Variants in SIRPG observed in about 807,000 individuals in gnomAD.
SIRPG encodes the protein signal regulatory protein gamma.
In SIRPG, 38 loss-of-function variants were observed where a neutral mutation model predicts 35.7. That is an observed-to-expected ratio of 1.06 (90% CI 0.82 to 1.40). The LOEUF (loss-of-function observed/expected upper bound fraction) is 1.40. Among genes scored for constraint, SIRPG ranks in the 40% most tolerant of loss-of-function variants. The probability of loss-of-function intolerance (pLI) is 0.00; values close to 1 mark genes in which losing one functional copy is unlikely to be tolerated. For synonymous variants in SIRPG, 215 were observed against 190.4 expected, an observed-to-expected ratio of 1.13 and a Z score of -1.06; for missense variants, 519 against 483.0, an observed-to-expected ratio of 1.07 and a Z score of -0.70.
At chr20:1,638,251 A>G (rs1472263004) in intron 2 of SIRPG, among the ~76,000 whole-genome samples, 1 of 152,174 alleles carries the variant, frequency 6.6e-6, no homozygotes, top group Non-Finnish European at 1.5e-5. Flanking sequence ...CAGCTAGCAA[A>G]GGGCCAAAAG....
intron 4 of SIRPG, among the ~76,000 whole-genome samples, chr20:1,633,139 A>G (rs191790719): frequency 6.6e-6 from 1 of 152,312 alleles, no homozygotes; most frequent in East Asian, 1.9e-4. Flanking sequence ...AAATATGACA[A>G]CTTAGATAAA....
chr20:1,630,081 A>G (rs2091736648), intron 5 of SIRPG, 141 bp downstream of exon 5: 1 of 660,888 alleles, frequency 1.5e-6, no homozygotes, highest in Non-Finnish European at 2.6e-6. Flanking sequence ...AGCCTTTTAA[A>G]GGGTTCCCCA....
the SIRPG span, among the ~76,000 whole-genome samples, chr20:1,670,493 C>A: frequency 5.3e-5 from 8 of 152,276 alleles, no homozygotes; most frequent in East Asian, 9.6e-4. Context: ...GCAAGCACAA[C>A]CCCTGGCATG....
chr20:1,649,049 C>T lies in SIRPG; in HGVS notation c.430+3G>A, dbSNP rs1270812024. 13 of 1,612,184 alleles carry T rather than the reference C, an allele frequency of 8.1e-6. No individual in the cohort carries two copies. Among genetic ancestry groups the T allele is most frequent in the East Asian group, 2.2e-5 (1 of 44,878 alleles). ...GGATGAGGGAGGTCCATGTTGTACT[C>T]ACCACCCAAAGCCATCTCAGTGCCT... On this transcript the variant is annotated splice_donor_region_variant and intron_variant, in intron 2 of 5. Coordinates refer to ENST00000303415, the MANE Select transcript of SIRPG (RefSeq NM_018556.4).
At chr20:1,678,643 A>C in the SIRPG span, among the ~76,000 whole-genome samples, 1 of 152,174 alleles carries the variant, frequency 6.6e-6, no homozygotes, top group Non-Finnish European at 1.5e-5. Context: ...GAAAAAGAGA[A>C]AGGGGCAGAA....
the SIRPG span, among the ~76,000 whole-genome samples, chr20:1,670,682 T>A: frequency 2.0e-5 from 3 of 152,168 alleles, no homozygotes; most frequent in African/African-American, 7.2e-5. Flanking sequence ...AGCACAGATG[T>A]CTACCACCTG....
At chr20:1,642,120 G>A (rs927453493) in intron 2 of SIRPG, among the ~76,000 whole-genome samples, 1 of 152,218 alleles carries the variant, frequency 6.6e-6, no homozygotes, top group Non-Finnish European at 1.5e-5. Context: ...ACTTGATCCA[G>A]AGCTGAGTTC....
At chr20:1,658,523 T>C (rs6043583), upstream of SIRPG, among the ~76,000 whole-genome samples, 105,040 of 151,918 alleles carry the variant, frequency 0.69, 36,645 homozygotes, top group East Asian at 0.88. Flanking sequence ...ATTTCATTCA[T>C]CACTGAGTTC....
Position 1,657,681 on chromosome 20 carries a change from C to T in SIRPG, c.34G>A (p.Gly12Ser). The change falls in exon 1 of 6, where the codon GGT (glycine) becomes AGT (serine). Residue 12 changes from glycine to serine, a missense_variant. Physicochemically the swap from Gly to Ser is moderately conservative, Grantham distance 56. Coordinates refer to ENST00000303415, the MANE Select transcript of SIRPG (RefSeq NM_018556.4). ...PVPASWPHPP[G>S]PFLLLTLLLG... ...AGTAGAGTCAGAAGCAGGAAAGGAC[C>T]AGGAGGATGGGGCCAGGAGGCTGGG... 1 of 1,614,126 alleles carries T rather than the reference C, an allele frequency of 6.2e-7. No individual in the cohort carries two copies. The highest frequency in any genetic ancestry group is 8.5e-7 in the Non-Finnish European group (1 of 1,180,010).
chr20:1,630,099 C>T (rs1392324885), intron 5 of SIRPG, 123 bp downstream of exon 5: 13 of 735,804 alleles, frequency 1.8e-5, no homozygotes, highest in Admixed American at 7.0e-5. Context: ...CCAAGACTTC[C>T]GAGGGTGCGG....
intron 4 of SIRPG, among the ~76,000 whole-genome samples, chr20:1,634,177 G>A (rs2091772436): frequency 6.6e-6 from 1 of 150,478 alleles, no homozygotes; most frequent in East Asian, 1.9e-4. Flanking sequence ...TCCGTTCTGT[G>A]ACCATTCATG....
intron 1 of SIRPG, among the ~76,000 whole-genome samples, chr20:1,655,436 A>C (rs1255423451): frequency 2.0e-5 from 3 of 152,192 alleles, no homozygotes; most frequent in Non-Finnish European, 4.4e-5. Flanking sequence ...CGGAAAGACA[A>C]ACACTGTATG....
chr20:1,636,054 A>T, intron 3 of SIRPG, 134 bp downstream of exon 3: 2 of 1,263,240 alleles, frequency 1.6e-6, no homozygotes, highest in Non-Finnish European at 2.2e-6. Flanking sequence ...CAGCACACCT[A>T]GGTGCATGGC....
the SIRPG span, among the ~76,000 whole-genome samples, chr20:1,674,404 G>C: frequency 6.6e-6 from 1 of 152,120 alleles, no homozygotes; most frequent in Non-Finnish European, 1.5e-5. Context: ...GCTGCTCTGA[G>C]CATTTAAAAG....
At chr20:1,639,723 A>G (rs183539809) in intron 2 of SIRPG, among the ~76,000 whole-genome samples, 4 of 152,242 alleles carry the variant, frequency 2.6e-5, no homozygotes, top group Admixed American at 1.3e-4. Context: ...GGTATTGCCT[A>G]GGTTTTCTTC....
Position 1,635,512 on chromosome 20 carries a change from TG to T in SIRPG, c.835del (p.Gln279ArgfsTer5). 6.2e-7 allele frequency: 1 copy of T among 1,614,140 alleles called. No individual in the cohort carries two copies. Among genetic ancestry groups the T allele is most frequent in the Non-Finnish European group, 8.5e-7 (1 of 1,179,982 alleles). On this transcript the variant is annotated frameshift_variant, in exon 4 of 6. Coordinates refer to ENST00000303415, the MANE Select transcript of SIRPG (RefSeq NM_018556.4). LOFTEE classifies it high-confidence loss of function. ...VTCQVRKFYP[Q>X]SLQLTWSENG... Reference sequence around the variant, plus strand: ...CTCCGACCAGGTCAGCTGTAGGCTCTGGGGGTAGAACTTCCTCACCTGGCAG... The same window carrying T: ...CTCCGACCAGGTCAGCTGTAGGCTCTGGGGTAGAACTTCCTCACCTGGCAG...
At chr20:1,640,382 A>T (rs576189309) in intron 2 of SIRPG, among the ~76,000 whole-genome samples, 1 of 152,166 alleles carries the variant, frequency 6.6e-6, no homozygotes, top group East Asian at 1.9e-4. Flanking sequence ...TGTGAATGGG[A>T]GTTCATTCAT....
chr20:1,645,616 C>A (rs572585630), intron 2 of SIRPG, among the ~76,000 whole-genome samples: 10 of 152,314 alleles, frequency 6.6e-5, no homozygotes, highest in African/African-American at 2.4e-4. Context: ...CGATTTAACT[C>A]CTTCAGCTCT....
the SIRPG span, among the ~76,000 whole-genome samples, chr20:1,684,198 TGTAAG>T: frequency 6.6e-6 from 1 of 152,178 alleles, no homozygotes; most frequent in East Asian, 1.9e-4. Flanking sequence ...GTGATATACA[TGTAAG>T]GTAATGCATA....
Sources: allele counts gnomAD v4.1 joint callset (sites outside exome capture counted in the v4.1 genomes callset), GRCh38; gene constraint gnomAD v4.1.1; transcripts MANE v1.5; gene names NCBI Gene and HGNC (gene_info 2026-07-23, HGNC 2026-07-21).